The following ACACA variants were observed in gnomAD, a reference collection of about 807,000 sequenced individuals.
ACACA encodes acetyl-CoA carboxylase alpha, also known as acetyl-CoA carboxylase 1.
In ACACA, 103 loss-of-function variants were observed where a neutral mutation model predicts 296.1. The ratio of observed to expected loss-of-function variants is 0.35; its 90% CI spans 0.30 to 0.41. The LOEUF (loss-of-function observed/expected upper bound fraction) is 0.41. Among genes scored for constraint, ACACA ranks in the 10% least tolerant of loss-of-function variants. The pLI is 1.00. For synonymous variants in ACACA, 953 were observed against 1,038.6 expected (o/e 0.92, Z 1.58); for missense variants, 1,554 against 2,989.7 (o/e 0.52, Z 11.20).
chr17:37,134,741 C>T (rs780714238), intron 45 of ACACA, among the ~76,000 whole-genome samples: 2 of 152,206 alleles, frequency 1.3e-5, no homozygotes, highest in Non-Finnish European at 2.9e-5. Context: ...TTAGGCTACA[C>T]AAGCTGAGTC....
chr17:37,195,958 C>T (rs192740007), intron 35 of ACACA, among the ~76,000 whole-genome samples: 49 of 152,176 alleles, frequency 3.2e-4, no homozygotes, highest in African/African-American at 1.0e-3. Flanking sequence ...AAGAATGCAA[C>T]GTTTCACAGG....
chr17:37,205,684 T>C (rs916974782), intron 33 of ACACA, 81 bp downstream of exon 33: 4 of 1,099,178 alleles, frequency 3.6e-6, no homozygotes, highest in African/African-American at 1.5e-5. Flanking sequence ...AGCCATAAAC[T>C]AGCAACTGAT....
chr17:37,183,083 T>A (rs1474067684), intron 39 of ACACA, among the ~76,000 whole-genome samples: 1 of 152,198 alleles, frequency 6.6e-6, no homozygotes, highest in South Asian at 2.1e-4. Flanking sequence ...GAGAAAACTG[T>A]ACTCAGAGCA....
rs992700447 is a variant in ACACA, at chr17:37,243,571, G to C, written c.2743-12C>G. On this transcript the variant is annotated splice_polypyrimidine_tract_variant and intron_variant, in intron 21 of 55. Transcript: ENST00000616317. The stretch of plus-strand genomic sequence containing the variant: ...ACCCAGTCTTTTACCTAGAAAGAAA[G>C]CATTGGTAAAATAGGACCCAAGTTA... The C allele has an allele frequency of 6.2e-7, 1 of 1,613,278 alleles. No individual in the cohort carries two copies. Among genetic ancestry groups the C allele is most frequent in the Admixed American group, 1.7e-5 (1 of 60,018 alleles).
intron 42 of ACACA, 36 bp from the exon 43 acceptor site, chr17:37,155,816 C>A (rs549280200): frequency 6.7e-6 from 9 of 1,353,022 alleles, no homozygotes; most frequent in African/African-American, 1.4e-5. Context: ...TCATTATTTG[C>A]CATTGTCATA....
chr17:37,136,630 T>TAA (rs2075343944), intron 45 of ACACA, among the ~76,000 whole-genome samples: 1 of 151,730 alleles, frequency 6.6e-6, no homozygotes, highest in Non-Finnish European at 1.5e-5. Context: ...CAACACTTGG[T>TAA]ATTTGTCAAA....
At position 37,235,016 on chromosome 17, in the gene ACACA, C is replaced by T; in HGVS notation, c.3205G>A (p.Ala1069Thr). 1 of 1,613,426 alleles carries T rather than the reference C, an allele frequency of 6.2e-7. No homozygotes were observed. Among genetic ancestry groups the T allele is most frequent in the South Asian group, 1.1e-5 (1 of 91,052 alleles). ...AGAAGATTCTTCTTGGTGACTTGAG[C>T]GTGAGAGAAGATGTAGTTCAGTACA... is the stretch of plus-strand genomic sequence containing the variant. ...NTVLNYIFSH[A>T]QVTKKNLLVT... The change falls in exon 25 of 56, where the codon GCT becomes ACT. Residue 1069 changes from alanine to threonine, a missense_variant. By Grantham distance (58) the Ala-to-Thr change is moderately conservative (BLOSUM62 0). This residue lies in a region of ACACA where 316 missense variants were observed against 540.9 expected (regional missense o/e 0.58). Coordinates refer to ENST00000616317, the MANE Select transcript of ACACA (RefSeq NM_198834.3).
At chr17:37,376,100 C>G in intron 1 of ACACA, 2 of 1,612,608 alleles carry the variant, frequency 1.2e-6, no homozygotes. Flanking sequence ...AACATGGATA[C>G]CATCTTGGTC....
Position 37,151,457 on chromosome 17 carries a change from A to G in ACACA, c.5448-36T>C, listed in dbSNP as rs1392393098. The G allele has an allele frequency of 2.5e-6, 4 of 1,610,914 alleles. No individual in the cohort carries two copies. In the South Asian group the frequency reaches 4.4e-5, roughly 18 times the overall value. On this transcript the variant is annotated intron_variant, in intron 43 of 55. Transcript: ENST00000616317. ...TGGCCATGTCAAATTATGAATGTTAAACACAGTAACAACAAGCCATTAAAA... is the reference window on the plus strand; with the variant it reads ...TGGCCATGTCAAATTATGAATGTTAGACACAGTAACAACAAGCCATTAAAA...
intron 13 of ACACA, 60 bp from the exon 14 acceptor site, chr17:37,257,926 T>C (rs1379517324): frequency 1.5e-5 from 23 of 1,584,664 alleles, no homozygotes; most frequent in African/African-American, 2.7e-5. Flanking sequence ...AAGATTTATA[T>C]ATTCATTGTT....
At chr17:37,226,247 TG>T in intron 26 of ACACA, 91 bp downstream of exon 26, 1 of 949,118 alleles carries the variant, frequency 1.1e-6, no homozygotes, top group Non-Finnish European at 1.7e-6. Context: ...ACATGTTCTT[TG>T]TAAAGTGATT....
chr17:37,145,113 A>G (rs541639788), intron 45 of ACACA, among the ~76,000 whole-genome samples: 14 of 152,218 alleles, frequency 9.2e-5, no homozygotes, highest in Non-Finnish European at 1.8e-4. Flanking sequence ...TGTTAAACAT[A>G]CTAATACTTT....
At chr17:37,088,599 G>A (rs2072385584) in intron 55 of ACACA, among the ~76,000 whole-genome samples, 1 of 152,182 alleles carries the variant, frequency 6.6e-6, no homozygotes, top group Non-Finnish European at 1.5e-5. Context: ...TTCAGGAGGT[G>A]AGGAGGTGGT....
chr17:37,235,674 G>A (rs2080075473), intron 24 of ACACA, among the ~76,000 whole-genome samples: 1 of 152,144 alleles, frequency 6.6e-6, no homozygotes, highest in Admixed American at 6.5e-5. Flanking sequence ...TCCATGAGAA[G>A]TGTGACTGCT....
At position 37,200,389 on chromosome 17, in the gene ACACA, T is replaced by A. The variant is rs202210071; in HGVS notation, c.4113+38A>T. Reference sequence around the variant, plus strand: ...TTTTTATTAAGTTGTAGCAGCAGCATAAGAAATATTAAAGAGGTACAATTC... The same window carrying A: ...TTTTTATTAAGTTGTAGCAGCAGCAAAAGAAATATTAAAGAGGTACAATTC... On this transcript the variant is annotated intron_variant, in intron 34 of 55. Transcript: ENST00000616317. 15 of 1,550,294 alleles carry A rather than the reference T, an allele frequency of 9.7e-6. No homozygotes were observed. The East Asian group carries it at 3.4e-4, about 35-fold the overall frequency.
chr17:37,259,600 A>C, intron 11 of ACACA, 70 bp from the exon 12 acceptor site: 91 of 1,533,542 alleles, frequency 5.9e-5, no homozygotes, highest in Non-Finnish European at 7.7e-5. Flanking sequence ...ACAGCCTCTC[A>C]CTGACTCAAC....
intron 47 of ACACA, among the ~76,000 whole-genome samples, chr17:37,128,042 A>C (rs1038384720): frequency 2.0e-5 from 3 of 148,948 alleles, no homozygotes; most frequent in Non-Finnish European, 1.5e-5. Context: ...AAAAAAAAAA[A>C]AAAAAAAAAA....
intron 41 of ACACA, among the ~76,000 whole-genome samples, chr17:37,168,734 C>A (rs2076777774): frequency 6.6e-6 from 1 of 152,122 alleles, no homozygotes; most frequent in Non-Finnish European, 1.5e-5. Flanking sequence ...GTTATCATTT[C>A]ATTTTCTAAA....
At chr17:37,268,229 A>G (rs770493480) in intron 10 of ACACA, among the ~76,000 whole-genome samples, 46 of 152,084 alleles carry the variant, frequency 3.0e-4, no homozygotes, top group African/African-American at 8.7e-4. Flanking sequence ...CCTATTTTCA[A>G]TTGAGTGGTT....
Sources: allele counts gnomAD v4.1 joint callset (sites outside exome capture counted in the v4.1 genomes callset), GRCh38; gene constraint gnomAD v4.1.1; regional missense constraint gnomAD v4.1.1; transcripts MANE v1.5; gene names NCBI Gene and HGNC (gene_info 2026-07-23, HGNC 2026-07-21).